Variants in PTPRM observed in about 807,000 individuals in gnomAD.
PTPRM encodes receptor-type tyrosine-protein phosphatase mu.
PTPRM carries 47 observed loss-of-function variants against 186.7 expected under a neutral mutation model. That is an observed-to-expected ratio of 0.25 (90% CI 0.20 to 0.32). The LOEUF is 0.32. PTPRM is among the 10% of genes least tolerant of loss of function. The pLI is 1.00. For missense variants in PTPRM, 1,494 were observed against 1,865.0 expected, an observed-to-expected ratio of 0.80 and a Z score of 3.66; for synonymous variants, 668 against 674.9, an observed-to-expected ratio of 0.99 and a Z score of 0.16.
intron 2 of PTPRM, among the ~76,000 whole-genome samples, chr18:7,873,957 G>T (rs2048101701): frequency 6.6e-6 from 1 of 152,026 alleles, no homozygotes; most frequent in African/African-American, 2.4e-5. Flanking sequence ...CTCTTTATTG[G>T]ATGTTCTTTG....
At chr18:8,176,116 T>C (rs936540206) in intron 14 of PTPRM, among the ~76,000 whole-genome samples, 1 of 152,222 alleles carries the variant, frequency 6.6e-6, no homozygotes, top group Non-Finnish European at 1.5e-5. Context: ...TTTAAAAATT[T>C]ATGAGCTTAT....
chr18:8,405,833 AT>A (rs1347079307), intron 32 of PTPRM, among the ~76,000 whole-genome samples: 1 of 152,206 alleles, frequency 6.6e-6, no homozygotes, highest in Non-Finnish European at 1.5e-5. Context: ...TGGAAAATAC[AT>A]GTGTGGACAA....
intron 1 of PTPRM, among the ~76,000 whole-genome samples, chr18:7,648,869 A>G (rs1357918227): frequency 6.6e-6 from 1 of 152,222 alleles, no homozygotes; most frequent in East Asian, 1.9e-4. Flanking sequence ...GGCTGAGATA[A>G]TTGATGAAGG....
intron 3 of PTPRM, among the ~76,000 whole-genome samples, chr18:7,894,311 G>C (rs2049232637): frequency 6.6e-6 from 1 of 152,116 alleles, no homozygotes; most frequent in Non-Finnish European, 1.5e-5. Context: ...TCCAAGCCAG[G>C]CATGGTGGCT....
chr18:8,392,576 A>G (rs669802), intron 31 of PTPRM, among the ~76,000 whole-genome samples: 11 of 152,108 alleles, frequency 7.2e-5, no homozygotes, highest in South Asian at 4.2e-4. Context: ...GCAGTGAGCC[A>G]AGATCGCGCC....
At chr18:7,610,616 G>C (rs2037648832) in intron 1 of PTPRM, among the ~76,000 whole-genome samples, 2 of 152,190 alleles carry the variant, frequency 1.3e-5, no homozygotes, top group Non-Finnish European at 2.9e-5. Flanking sequence ...TTATAATGGA[G>C]CTGAAAACTT....
chr18:8,402,141 C>T (rs1487316524), intron 32 of PTPRM, among the ~76,000 whole-genome samples: 2 of 152,166 alleles, frequency 1.3e-5, no homozygotes, highest in Admixed American at 6.5e-5. Context: ...GCAGATAGAC[C>T]TATACCTGGT....
At chr18:7,602,613 C>T (rs2037430451) in intron 1 of PTPRM, among the ~76,000 whole-genome samples, 3 of 151,080 alleles carry the variant, frequency 2.0e-5, no homozygotes, top group Admixed American at 1.3e-4. Context: ...TTTTTGTAGG[C>T]TTGGGGTCTT....
At chr18:7,686,486 T>G (rs1356354370) in intron 1 of PTPRM, among the ~76,000 whole-genome samples, 1 of 152,156 alleles carries the variant, frequency 6.6e-6, no homozygotes, top group Non-Finnish European at 1.5e-5. Context: ...TTCAGGCATA[T>G]TCTTATTTGC....
At chr18:8,249,057 T>C (rs751586662) in intron 17 of PTPRM, among the ~76,000 whole-genome samples, 2 of 152,206 alleles carry the variant, frequency 1.3e-5, no homozygotes, top group Non-Finnish European at 2.9e-5. Context: ...CTCTTTCTAC[T>C]ACTAACCTTT....
chr18:7,772,444 CCCTT>C (rs200187256), intron 1 of PTPRM, among the ~76,000 whole-genome samples: 4,945 of 92,326 alleles, frequency 0.054, 272 homozygotes, highest in African/African-American at 0.13. Flanking sequence ...CTTCCCCTTC[CCCTT>C]CCTTCCTTCC....
intron 2 of PTPRM, among the ~76,000 whole-genome samples, chr18:7,783,048 C>T (rs1240870686): frequency 6.6e-6 from 1 of 152,090 alleles, no homozygotes; most frequent in Non-Finnish European, 1.5e-5. Context: ...GTTTTATTTC[C>T]TGCTTAAATT....
intron 1 of PTPRM, among the ~76,000 whole-genome samples, chr18:7,664,877 G>A (rs916597018): frequency 2.6e-5 from 4 of 152,220 alleles, no homozygotes; most frequent in African/African-American, 9.6e-5. Context: ...TAGGATGTGA[G>A]ATGTCATTAA....
intron 1 of PTPRM, among the ~76,000 whole-genome samples, chr18:7,728,875 C>T (rs2144378225): frequency 6.6e-6 from 1 of 151,656 alleles, no homozygotes; most frequent in Non-Finnish European, 1.5e-5. Context: ...AATGAAGGAT[C>T]ATCAAGAATC....
intron 13 of PTPRM, among the ~76,000 whole-genome samples, chr18:8,138,383 G>GCC (rs1038943237): frequency 2.6e-5 from 4 of 151,944 alleles, no homozygotes; most frequent in African/African-American, 9.7e-5. Context: ...TCACGCCTTA[G>GCC]CCCCCTTCCA....
chr18:7,687,769 A>G (rs1233872280), intron 1 of PTPRM, among the ~76,000 whole-genome samples: 11 of 150,598 alleles, frequency 7.3e-5, no homozygotes, highest in African/African-American at 2.7e-4. Context: ...ATAAACAAGG[A>G]GCTATAAGAT....
intron 7 of PTPRM, among the ~76,000 whole-genome samples, chr18:8,036,407 T>G (rs563544287): frequency 6.6e-6 from 1 of 152,202 alleles, no homozygotes; most frequent in African/African-American, 2.4e-5. Context: ...CTTCATTCCT[T>G]TTTAACACTA....
chr18:8,153,069 A>C (rs1337147169), intron 14 of PTPRM, among the ~76,000 whole-genome samples: 1 of 152,070 alleles, frequency 6.6e-6, no homozygotes, highest in Non-Finnish European at 1.5e-5. Flanking sequence ...TAGATAGCTT[A>C]TTTTTGGCAC....
At chr18:7,823,084 T>C (rs1446525001) in intron 2 of PTPRM, among the ~76,000 whole-genome samples, 2 of 152,200 alleles carry the variant, frequency 1.3e-5, no homozygotes, top group African/African-American at 4.8e-5. Flanking sequence ...TGAGAACCAC[T>C]GTCCTAATGT....
Sources: allele counts gnomAD v4.1 joint callset (sites outside exome capture counted in the v4.1 genomes callset), GRCh38; gene constraint gnomAD v4.1.1; transcripts MANE v1.5; gene names NCBI Gene and HGNC (gene_info 2026-07-23, HGNC 2026-07-21).